Variants in CD300LG observed in about 807,000 individuals in gnomAD.
CD300LG encodes CD300 molecule like family member g.
In CD300LG, 29 loss-of-function variants were observed where a neutral mutation model predicts 31.5. That is an observed-to-expected ratio of 0.92 (90% CI 0.68 to 1.25). The LOEUF is 1.25. Among genes scored for constraint, CD300LG ranks in the 50% most tolerant of loss-of-function variants. CD300LG has a pLI of 0.00. For missense variants in CD300LG, 396 were observed against 417.6 expected, an observed-to-expected ratio of 0.95 and a Z score of 0.45; for synonymous variants, 175 against 177.2, an observed-to-expected ratio of 0.99 and a Z score of 0.10.
At position 43,848,754 on chromosome 17, in the gene CD300LG, C is replaced by T. The variant is rs1567845897; in HGVS notation, c.240C>T (p.Ser80=). 1.9e-6 allele frequency: 3 copies of T among 1,614,134 alleles called. No homozygotes were observed. Among genetic ancestry groups the T allele is most frequent in the Non-Finnish European group, 2.5e-6 (3 of 1,180,030 alleles). Residue 80 remains serine, a synonymous_variant, in exon 2 of 7, where the codon TCC becomes TCT. Coordinates refer to ENST00000317310, the MANE Select transcript of CD300LG (RefSeq NM_145273.4). ...AGGAGACAATGAAGGGCAGGGTGTC[C>T]ATCCGTGACAGCCGCCAGGAGCTCT... ...EGQETMKGRV[S]IRDSRQELSL...
At chr17:43,848,977 C>A (rs748097222) in intron 2 of CD300LG, 84 bp downstream of exon 2, 5 of 1,226,522 alleles carry the variant, frequency 4.1e-6, no homozygotes, top group South Asian at 2.7e-5. Context: ...ATCCTGGTAC[C>A]AACATTATGG....
At chr17:43,852,546 T>C (rs140427527) in intron 2 of CD300LG, among the ~76,000 whole-genome samples, 17 of 152,314 alleles carry the variant, frequency 1.1e-4, no homozygotes, top group African/African-American at 3.8e-4. Context: ...TCGAAAGGCA[T>C]ACTAAAAAGT....
intron 6 of CD300LG, chr17:43,857,698 G>A: frequency 7.4e-7 from 1 of 1,343,396 alleles, no homozygotes; most frequent in East Asian, 2.5e-5. Flanking sequence ...GGCCCAGAGA[G>A]GGTAAAGGTC....
At chr17:43,849,293 T>G (rs2046281891) in intron 2 of CD300LG, 1 of 320,956 alleles carries the variant, frequency 3.1e-6, no homozygotes, top group Non-Finnish European at 5.7e-6. Flanking sequence ...GGCCAACCAT[T>G]GCTGCATTCC....
intron 3 of CD300LG, among the ~76,000 whole-genome samples, chr17:43,853,584 G>T (rs1445850033): frequency 6.6e-6 from 1 of 152,160 alleles, no homozygotes; most frequent in African/African-American, 2.4e-5. Context: ...CACAGAAAGA[G>T]ACTGAACATC....
chr17:43,852,947 C>T lies in CD300LG; in HGVS notation c.415C>T (p.Gln139Ter), dbSNP rs1225628436. The change falls in exon 3 of 7, where the codon CAG (glutamine) becomes TAG (stop). Residue 139 changes from glutamine to a stop codon, truncating the protein, a stop_gained. Transcript: ENST00000317310. LOFTEE classifies it high-confidence loss of function. ...TCCTCCCTCCCCTTCTCCCACCTTC[C>T]AGCCTCTGGCTACAACACGCCTGCA... ...CCPPSPSPTF[Q>*]PLATTRLQPK... 4 of 1,613,104 alleles carry T rather than the reference C, an allele frequency of 2.5e-6. No homozygotes were observed. In the African/African-American group the frequency reaches 5.3e-5, roughly 22 times the overall value.
rs1289446020 is a variant in CD300LG, at chr17:43,857,670, T to C, written c.885+514T>C. On this transcript the variant is annotated intron_variant, in intron 6 of 6. Coordinates refer to ENST00000317310, the MANE Select transcript of CD300LG (RefSeq NM_145273.4). Reference sequence around the variant, plus strand: ...AGTGCTACAAACTCTAGTGTGCTTTTACAAAAGATGAGACTGAGGCCCAGA... The same window carrying C: ...AGTGCTACAAACTCTAGTGTGCTTTCACAAAAGATGAGACTGAGGCCCAGA... 29 of 1,245,098 alleles carry C rather than the reference T, an allele frequency of 2.3e-5. No homozygotes were observed. The Admixed American group carries it at 5.7e-4, about 25-fold the overall frequency. The allele number at this position is 1,245,098 out of a possible 1,614,324, so 77.1% of individuals were successfully genotyped here. A position where few individuals can be genotyped will look rare whatever the true frequency, so the allele number is the denominator to read the frequency against.
At chr17:43,854,221 A>G (rs1471275929) in intron 4 of CD300LG, among the ~76,000 whole-genome samples, 177 bp downstream of exon 4, 1 of 152,210 alleles carries the variant, frequency 6.6e-6, no homozygotes, top group Non-Finnish European at 1.5e-5. Flanking sequence ...AGCTTGTACT[A>G]TAGGAGCCAG....
intron 2 of CD300LG, 142 bp from the exon 3 acceptor site, chr17:43,852,770 C>A: frequency 1.8e-6 from 1 of 561,996 alleles, no homozygotes; most frequent in Non-Finnish European, 3.1e-6. Context: ...GAACCCGCCA[C>A]GTGGCTCCTG....
chr17:43,853,662 T>C (rs2046423833), intron 3 of CD300LG, 145 bp from the exon 4 acceptor site: 1 of 650,108 alleles, frequency 1.5e-6, no homozygotes, highest in African/African-American at 1.8e-5. Flanking sequence ...TAGATCTGTT[T>C]GCTTACTGGG....
chr17:43,847,676 T>C (rs2046222520), intron 1 of CD300LG, among the ~76,000 whole-genome samples: 1 of 152,208 alleles, frequency 6.6e-6, no homozygotes, highest in East Asian at 1.9e-4. Context: ...CATCAATTCT[T>C]TTGCTTTCTT....
At chr17:43,855,553 C>A (rs1470481639) in intron 5 of CD300LG, 12 of 407,240 alleles carry the variant, frequency 2.9e-5, no homozygotes, top group South Asian at 4.9e-5. Context: ...CTTCTTCCTG[C>A]CTGTCTAAAC....
chr17:43,853,330 A>G (rs1449484406), intron 3 of CD300LG, among the ~76,000 whole-genome samples: 1 of 152,008 alleles, frequency 6.6e-6, no homozygotes, highest in East Asian at 1.9e-4. Context: ...TCATCCTGCC[A>G]CCCTGCCCTT....
chr17:43,857,474 C>T (rs2046557395), intron 6 of CD300LG: 2 of 1,535,858 alleles, frequency 1.3e-6, no homozygotes. Context: ...AATCACAGAA[C>T]ATCAGAGCTG....
In CD300LG at chr17:43,862,019, C is replaced by T. The variant is rs1597730337; in HGVS notation, c.*108C>T. The T allele has an allele frequency of 1.5e-6, 1 of 671,366 alleles. No individual in the cohort carries two copies. The allele number at this position is 671,366 out of a possible 1,614,324, so 41.6% of individuals were successfully genotyped here. ...CAGCCTCAGAGTCCAGCTGCCCGGA[C>T]TCCAGGGCTCTCCCCACCCTCCCCA... is the stretch of plus-strand genomic sequence containing the variant. On this transcript the variant is annotated 3_prime_UTR_variant, in exon 7 of 7. Coordinates refer to ENST00000317310, the MANE Select transcript of CD300LG (RefSeq NM_145273.4).
At chr17:43,852,095 A>G (rs1270728893) in intron 2 of CD300LG, among the ~76,000 whole-genome samples, 1 of 152,130 alleles carries the variant, frequency 6.6e-6, no homozygotes, top group Non-Finnish European at 1.5e-5. Flanking sequence ...GGTGGGCAGG[A>G]GGCTGGTTTA....
chr17:43,847,739 G>C (rs2143271321), intron 1 of CD300LG, among the ~76,000 whole-genome samples: 1 of 152,250 alleles, frequency 6.6e-6, no homozygotes, highest in African/African-American at 2.4e-5. Context: ...ACTGATGTCA[G>C]TTGTTCAGTT....
At chr17:43,854,862 TA>T (rs2046467062) in intron 4 of CD300LG, among the ~76,000 whole-genome samples, 1 of 152,312 alleles carries the variant, frequency 6.6e-6, no homozygotes, top group South Asian at 2.1e-4. Flanking sequence ...CTATGCGCTT[TA>T]CACATCCTCA....
chr17:43,853,093 C>T, intron 3 of CD300LG, 80 bp downstream of exon 3: 1 of 1,253,198 alleles, frequency 8.0e-7, no homozygotes, highest in Non-Finnish European at 1.1e-6. Context: ...TGGTACCAGA[C>T]ACAATAGTTT....
Sources: allele counts gnomAD v4.1 joint callset (sites outside exome capture counted in the v4.1 genomes callset), GRCh38; gene constraint gnomAD v4.1.1; transcripts MANE v1.5; gene names NCBI Gene and HGNC (gene_info 2026-07-23, HGNC 2026-07-21).